The following RARB variants were observed in gnomAD, a reference collection of about 807,000 sequenced individuals.
RARB encodes retinoic acid receptor beta.
A neutral mutation model predicts 51.9 loss-of-function variants in RARB; 17 were observed. The ratio of observed to expected loss-of-function variants is 0.33; its 90% CI spans 0.22 to 0.49. RARB has a LOEUF of 0.49. Among genes scored for constraint, RARB ranks in the 20% least tolerant of loss-of-function variants. The pLI is 0.99. For missense variants in RARB, 369 were observed against 550.8 expected, an observed-to-expected ratio of 0.67 and a Z score of 3.30; for synonymous variants, 215 against 195.4, an observed-to-expected ratio of 1.10 and a Z score of -0.84.
At chr3:25,244,404 A>G (rs1702505476) in intron 5 of RARB, among the ~76,000 whole-genome samples, 1 of 150,748 alleles carries the variant, frequency 6.6e-6, no homozygotes, top group South Asian at 2.1e-4. Context: ...TTGTGATGTT[A>G]GGGTGTCAAT....
intron 5 of RARB, among the ~76,000 whole-genome samples, chr3:25,320,792 G>C (rs181219910): frequency 1.1e-4 from 16 of 152,224 alleles, no homozygotes; most frequent in Admixed American, 7.8e-4. Flanking sequence ...GATATGATTT[G>C]GGTTCTTTCC....
intron 3 of RARB, among the ~76,000 whole-genome samples, chr3:25,099,927 G>A (rs1370382219): frequency 6.6e-6 from 1 of 152,186 alleles, no homozygotes; most frequent in African/African-American, 2.4e-5. Context: ...TTTCCTTATG[G>A]ACTACCTTGG....
intron 1 of RARB, among the ~76,000 whole-genome samples, chr3:25,452,419 C>T (rs1709235372): frequency 1.2e-5 from 1 of 84,612 alleles, no homozygotes; most frequent in Non-Finnish European, 2.2e-5. Context: ...GGTGTAGCTA[C>T]AACACAGAGT....
intron 1 of RARB, among the ~76,000 whole-genome samples, chr3:24,854,635 A>C (rs551198625): frequency 6.6e-6 from 1 of 152,126 alleles, no homozygotes; most frequent in East Asian, 1.9e-4. Flanking sequence ...CCTCTTCTTG[A>C]TGCATAGTAG....
At chr3:24,941,374 C>CT (rs567240324) in intron 2 of RARB, among the ~76,000 whole-genome samples, 13,817 of 145,812 alleles carry the variant, frequency 0.095, 1,321 homozygotes, top group African/African-American at 0.25. Context: ...AAAAGGCAGT[C>CT]TTTTTTTTTT....
chr3:24,929,272 T>G (rs1006740503), intron 2 of RARB, among the ~76,000 whole-genome samples: 8 of 152,064 alleles, frequency 5.3e-5, no homozygotes, highest in African/African-American at 1.9e-4. Context: ...ACTTAATATT[T>G]TAATAAATGA....
chr3:25,550,728 G>A (rs138276804), intron 3 of RARB, among the ~76,000 whole-genome samples: 29 of 152,150 alleles, frequency 1.9e-4, no homozygotes, highest in Non-Finnish European at 3.2e-4. Flanking sequence ...TATTTATCCC[G>A]ATGTTCTCCC....
intron 3 of RARB, among the ~76,000 whole-genome samples, chr3:25,092,933 T>C (rs371651081): frequency 5.3e-5 from 8 of 152,324 alleles, no homozygotes; most frequent in African/African-American, 1.4e-4. Context: ...ACATTTCTTA[T>C]AGCATTACAG....
chr3:25,068,375 A>G (rs1698705596), intron 3 of RARB, among the ~76,000 whole-genome samples: 1 of 151,948 alleles, frequency 6.6e-6, no homozygotes, highest in African/African-American at 2.4e-5. Flanking sequence ...AGAATCACTA[A>G]TCACCATACT....
intron 5 of RARB, among the ~76,000 whole-genome samples, chr3:25,248,146 G>A (rs1234926497): frequency 6.6e-6 from 1 of 152,036 alleles, no homozygotes; most frequent in South Asian, 2.1e-4. Flanking sequence ...GTGTCTCTTT[G>A]AACTGTTTTT....
chr3:25,428,307 C>G lies in RARB; in HGVS notation c.-425C>G, dbSNP rs889823008. ...GTGAGCTGTTCAGAGGCAGGAGGGT[C>G]TATTCTTTGCCAAAGGGGGGACCAG... On this transcript the variant is annotated 5_prime_UTR_variant, in exon 1 of 8. Transcript: ENST00000330688. The G allele has an allele frequency of 2.0e-5, 25 of 1,245,220 alleles. No individual in the cohort carries two copies. The highest frequency in any genetic ancestry group is 5.0e-6 in the Non-Finnish European group (5 of 995,570). 77.1% of individuals were successfully genotyped at this position (1,245,220 alleles called of 1,614,324 possible). A position where few individuals can be genotyped will look rare whatever the true frequency, so the allele number is the denominator to read the frequency against.
intron 3 of RARB, among the ~76,000 whole-genome samples, chr3:25,120,531 C>CTCTT (rs1350396086): frequency 6.8e-6 from 1 of 147,354 alleles, no homozygotes; most frequent in Non-Finnish European, 1.5e-5. Context: ...ATAAAAATCT[C>CTCTT]TCTCTCTCTC....
chr3:25,105,015 A>C (rs975978884), intron 3 of RARB, among the ~76,000 whole-genome samples: 2 of 152,218 alleles, frequency 1.3e-5, no homozygotes, highest in Non-Finnish European at 2.9e-5. Flanking sequence ...GTACACGTAC[A>C]GTTTGTGTAC....
At chr3:25,511,039 T>G (rs1190223436) in intron 3 of RARB, among the ~76,000 whole-genome samples, 1 of 152,250 alleles carries the variant, frequency 6.6e-6, no homozygotes, top group African/African-American at 2.4e-5. Context: ...TATTGCAGCT[T>G]CAGAGCTTCA....
At chr3:25,210,905 A>G (rs376111013) in intron 5 of RARB, among the ~76,000 whole-genome samples, 7 of 152,010 alleles carry the variant, frequency 4.6e-5, no homozygotes, top group South Asian at 4.2e-4. Flanking sequence ...AGTCCACTCA[A>G]TATTATTTTT....
chr3:25,395,148 G>A (rs977165357), intron 5 of RARB, among the ~76,000 whole-genome samples: 2 of 152,002 alleles, frequency 1.3e-5, no homozygotes, highest in African/African-American at 2.4e-5. Context: ...TTTGTCTTTC[G>A]TTCATTTATT....
At chr3:25,411,652 A>G (rs1707565739) in intron 5 of RARB, among the ~76,000 whole-genome samples, 1 of 152,230 alleles carries the variant, frequency 6.6e-6, no homozygotes, top group South Asian at 2.1e-4. Flanking sequence ...AAATCGCCCG[A>G]GGAATATTAC....
chr3:25,015,100 G>A (rs1451493856), intron 2 of RARB, among the ~76,000 whole-genome samples: 1 of 152,144 alleles, frequency 6.6e-6, no homozygotes, highest in East Asian at 1.9e-4. Flanking sequence ...GGCTTTGAGT[G>A]TCTGTGTATA....
intron 5 of RARB, among the ~76,000 whole-genome samples, chr3:25,587,354 G>GGT (rs1701432145): frequency 6.6e-6 from 1 of 151,862 alleles, no homozygotes; most frequent in African/African-American, 2.4e-5. Context: ...AAATGTGCCT[G>GGT]GTGTGAAGTG....
Sources: allele counts gnomAD v4.1 joint callset (sites outside exome capture counted in the v4.1 genomes callset), GRCh38; gene constraint gnomAD v4.1.1; transcripts MANE v1.5; gene names NCBI Gene and HGNC (gene_info 2026-07-23, HGNC 2026-07-21).